PTPRK: variants seen among roughly 807,000 people sequenced by gnomAD.
PTPRK encodes protein tyrosine phosphatase receptor type K, also known as receptor-type tyrosine-protein phosphatase kappa.
A neutral mutation model predicts 178.0 loss-of-function variants in PTPRK; 75 were observed. That is an observed-to-expected ratio of 0.42 (90% CI 0.35 to 0.51). The LOEUF (loss-of-function observed/expected upper bound fraction) is 0.51, where lower values mean the gene tolerates loss of function less well. PTPRK is among the 20% of genes least tolerant of loss of function. The pLI is 0.02. For missense variants in PTPRK, 1,441 were observed against 1,797.8 expected (o/e 0.80, Z 3.59); for synonymous variants, 637 against 620.6 (o/e 1.03, Z -0.39).
intron 3 of PTPRK, among the ~76,000 whole-genome samples, chr6:128,249,070 G>A (rs961902815): frequency 1.3e-5 from 2 of 152,040 alleles, no homozygotes; most frequent in African/African-American, 4.8e-5. Flanking sequence ...GGTAGCCAAA[G>A]AAGTTTCCAT....
chr6:128,421,892 T>C (rs1185004237), intron 1 of PTPRK, among the ~76,000 whole-genome samples: 1 of 152,230 alleles, frequency 6.6e-6, no homozygotes, highest in Non-Finnish European at 1.5e-5. Flanking sequence ...TAAGAACACC[T>C]TACTCTTATG....
intron 18 of PTPRK, among the ~76,000 whole-genome samples, chr6:127,992,981 G>T (rs1213196285): frequency 6.6e-6 from 1 of 151,606 alleles, no homozygotes; most frequent in Non-Finnish European, 1.5e-5. Flanking sequence ...ATTTTGTTTG[G>T]TTTCACTAAA....
intron 13 of PTPRK, among the ~76,000 whole-genome samples, chr6:128,049,924 G>A (rs1778713606): frequency 6.6e-6 from 1 of 152,144 alleles, no homozygotes; most frequent in African/African-American, 2.4e-5. Flanking sequence ...AGCACCTGAG[G>A]TCGGGAGTTC....
intron 1 of PTPRK, among the ~76,000 whole-genome samples, chr6:128,517,501 C>CA (rs1289420747): frequency 2.6e-5 from 4 of 152,090 alleles, no homozygotes; most frequent in Non-Finnish European, 5.9e-5. Flanking sequence ...ACATGGGTGT[C>CA]ATTTTAAGTG....
chr6:128,112,458 G>T (rs1181161505), intron 7 of PTPRK, among the ~76,000 whole-genome samples: 1 of 152,038 alleles, frequency 6.6e-6, no homozygotes, highest in Non-Finnish European at 1.5e-5. Flanking sequence ...TTGATTTTAG[G>T]ATGGAGAGAA....
At chr6:128,444,470 A>G (rs990650936) in intron 1 of PTPRK, among the ~76,000 whole-genome samples, 1 of 151,964 alleles carries the variant, frequency 6.6e-6, no homozygotes, top group Non-Finnish European at 1.5e-5. Flanking sequence ...ATAAATCCCC[A>G]CTTGTCCATG....
At chr6:128,276,021 A>G (rs878929855) in intron 3 of PTPRK, among the ~76,000 whole-genome samples, 5 of 152,014 alleles carry the variant, frequency 3.3e-5, no homozygotes, top group Admixed American at 3.3e-4. Flanking sequence ...ATATATGTAA[A>G]CTTTAAAAAA....
At chr6:128,511,542 G>C (rs962413507) in intron 1 of PTPRK, among the ~76,000 whole-genome samples, 1 of 152,134 alleles carries the variant, frequency 6.6e-6, no homozygotes, top group African/African-American at 2.4e-5. Context: ...CCTCTATATG[G>C]AGCCTAAGAA....
At chr6:128,134,025 C>T (rs1283905879) in intron 7 of PTPRK, among the ~76,000 whole-genome samples, 1 of 152,054 alleles carries the variant, frequency 6.6e-6, no homozygotes, top group Non-Finnish European at 1.5e-5. Context: ...TTTTGACAAC[C>T]TATGAGCTTT....
intron 7 of PTPRK, among the ~76,000 whole-genome samples, chr6:128,173,745 C>T (rs1028779659): frequency 2.6e-5 from 4 of 151,916 alleles, no homozygotes; most frequent in African/African-American, 9.7e-5. Flanking sequence ...CACCTGTCTC[C>T]TCATTGGAAT....
chr6:128,453,195 A>G (rs1363572517), intron 1 of PTPRK, among the ~76,000 whole-genome samples: 1 of 152,192 alleles, frequency 6.6e-6, no homozygotes, highest in Non-Finnish European at 1.5e-5. Flanking sequence ...ACAAACAGTC[A>G]TTCCATTTCT....
intron 1 of PTPRK, among the ~76,000 whole-genome samples, chr6:128,457,509 G>T (rs1474618063): frequency 6.6e-6 from 1 of 152,042 alleles, no homozygotes; most frequent in Non-Finnish European, 1.5e-5. Context: ...AAGAATACTG[G>T]ACTTGGCTAA....
chr6:128,378,376 C>G (rs1048491338), intron 2 of PTPRK, among the ~76,000 whole-genome samples: 1 of 152,036 alleles, frequency 6.6e-6, no homozygotes, highest in Non-Finnish European at 1.5e-5. Flanking sequence ...TATACACAGA[C>G]ACACACAGAG....
chr6:128,113,256 C>T (rs562579124), intron 7 of PTPRK, among the ~76,000 whole-genome samples: 1 of 151,908 alleles, frequency 6.6e-6, no homozygotes, highest in African/African-American at 2.4e-5. Context: ...ATAGAATATA[C>T]ATATGTACAC....
intron 4 of PTPRK, among the ~76,000 whole-genome samples, chr6:128,241,647 A>G (rs1324559800): frequency 6.6e-6 from 1 of 152,358 alleles, no homozygotes; most frequent in African/African-American, 2.4e-5. Context: ...TACTGAATGC[A>G]TGCAGTAATT....
At chr6:128,224,600 T>C (rs1335242678) in intron 5 of PTPRK, among the ~76,000 whole-genome samples, 1 of 152,184 alleles carries the variant, frequency 6.6e-6, no homozygotes, top group African/African-American at 2.4e-5. Flanking sequence ...CATCAAGATA[T>C]TACACGTGGA....
At chr6:128,088,092 G>C (rs1250307889) in intron 8 of PTPRK, among the ~76,000 whole-genome samples, 1 of 152,110 alleles carries the variant, frequency 6.6e-6, no homozygotes, top group Non-Finnish European at 1.5e-5. Context: ...TAAAAATGTA[G>C]CCCCGCTGGG....
intron 7 of PTPRK, among the ~76,000 whole-genome samples, chr6:128,141,403 T>G (rs1795749771): frequency 6.6e-6 from 1 of 151,856 alleles, no homozygotes; most frequent in Admixed American, 6.6e-5. Context: ...TTTACCTTCA[T>G]AAAAGTTACA....
At chr6:128,495,163 T>C (rs1006838755) in intron 1 of PTPRK, among the ~76,000 whole-genome samples, 9 of 152,164 alleles carry the variant, frequency 5.9e-5, no homozygotes, top group African/African-American at 2.2e-4. Flanking sequence ...AGAAAGTGAA[T>C]AGGCAAAGAA....
Sources: gnomAD v4.1 joint callset for allele counts (sites outside exome capture counted in the v4.1 genomes callset) on GRCh38, gnomAD v4.1.1 for gene constraint, MANE v1.5 for transcripts, NCBI Gene and HGNC (gene_info 2026-07-23, HGNC 2026-07-21) for gene names.